BFSP1: variants seen among roughly 807,000 people sequenced by gnomAD.
BFSP1 encodes beaded filament structural protein 1.
In BFSP1, 38 loss-of-function variants were observed where a neutral mutation model predicts 43.9. The ratio of observed to expected loss-of-function variants is 0.87; its 90% CI spans 0.67 to 1.14. BFSP1 has a LOEUF of 1.14. Ranked by LOEUF, BFSP1 falls within the 50% of genes most tolerant of loss-of-function variation. BFSP1 has a pLI of 0.00. For missense variants in BFSP1, 850 were observed against 875.1 expected, an observed-to-expected ratio of 0.97 and a Z score of 0.36; for synonymous variants, 352 against 354.8, an observed-to-expected ratio of 0.99 and a Z score of 0.09.
chr20:17,543,356 T>C (rs984872121), intron 1 of BFSP1, among the ~76,000 whole-genome samples: 1 of 152,204 alleles, frequency 6.6e-6, no homozygotes, highest in Admixed American at 6.5e-5. Context: ...GGAATGAATA[T>C]GCCTCACACA....
Position 17,530,980 on chromosome 20 carries a change from T to C in BFSP1, c.350A>G (p.Gln117Arg). 1 of 1,437,006 alleles carries C rather than the reference T, an allele frequency of 7.0e-7. No homozygotes were observed. The highest frequency in any genetic ancestry group is 1.4e-5 in the South Asian group (1 of 72,376). The allele number at this position is 1,437,006 out of a possible 1,614,324, so 89.0% of individuals were successfully genotyped here. ...GCTTCGGAACTCGTCGAGCGCGCGC[T>C]GCGCCTCGGTGCCCTGGCGCTCCAG... is the stretch of plus-strand genomic sequence containing the variant. ...ARLERQGTEAQRALDEFRSKY... is the reference protein window; with the variant it reads ...ARLERQGTEARRALDEFRSKY... Residue 117 changes from glutamine to arginine, a missense_variant, in exon 1 of 8, where the codon CAG becomes CGG. Transcript: ENST00000377873.
Position 17,494,589 on chromosome 20 carries a change from C to G in BFSP1, c.1483G>C (p.Val495Leu), listed in dbSNP as rs745991848. 1.9e-6 allele frequency: 3 copies of G among 1,614,206 alleles called. No homozygotes were observed. The highest frequency in any genetic ancestry group is 2.2e-5 in the South Asian group (2 of 91,082). The change falls in exon 8 of 8, where the codon GTG becomes CTG. Residue 495 changes from valine (V) to leucine (L), a missense_variant. Val to Leu is a conservative substitution (Grantham distance 32). Coordinates refer to ENST00000377873, the MANE Select transcript of BFSP1 (RefSeq NM_001195.5). ...YVSSITAKGG[V>L]AVSVAEDSVL... ...GAGTCTTCCGCAACAGAAACAGCCA[C>G]CCCACCTTTAGCTGTGATGGAGGAG...
upstream of BFSP1, among the ~76,000 whole-genome samples, chr20:17,535,996 C>T (rs899555639): frequency 2.6e-5 from 4 of 152,084 alleles, no homozygotes; most frequent in African/African-American, 7.2e-5. Flanking sequence ...ACACTGGTCT[C>T]GAACTCCCTG....
chr20:17,494,389 C>G lies in BFSP1; in HGVS notation c.1683G>C (p.Glu561Asp). ...TGGACTCTTCGTCCCGCTCCTCACC[C>G]TCACGTTTCTCTTCAGGGCCTTCCA... is the stretch of plus-strand genomic sequence containing the variant. ...AELEGPEEKREGEERDEESRR... is the reference protein window; with the variant it reads ...AELEGPEEKRDGEERDEESRR... The change falls in exon 8 of 8, where the codon GAG (glutamate) becomes GAC (aspartate). Residue 561 changes from glutamate (E) to aspartate (D), a missense_variant. By Grantham distance (45) the Glu-to-Asp change is conservative (BLOSUM62 2). Coordinates refer to ENST00000377873, the MANE Select transcript of BFSP1 (RefSeq NM_001195.5). 7 of 1,614,252 alleles carry G rather than the reference C, an allele frequency of 4.3e-6. No homozygotes were observed. The highest frequency in any genetic ancestry group is 5.9e-6 in the Non-Finnish European group (7 of 1,180,056).
At chr20:17,549,765 G>A (rs900011146) in intron 1 of BFSP1, among the ~76,000 whole-genome samples, 3 of 152,116 alleles carry the variant, frequency 2.0e-5, no homozygotes, top group African/African-American at 4.8e-5. Flanking sequence ...AAACCCGGGG[G>A]GCAGAAGTTG....
At chr20:17,524,003 A>C (rs775220443) in intron 2 of BFSP1, among the ~76,000 whole-genome samples, 1 of 152,108 alleles carries the variant, frequency 6.6e-6, no homozygotes, top group Non-Finnish European at 1.5e-5. Context: ...CGGTTTTGTC[A>C]GCAATTTTGA....
chr20:17,501,587 G>A (rs1228361498), intron 5 of BFSP1, among the ~76,000 whole-genome samples: 1 of 131,456 alleles, frequency 7.6e-6, no homozygotes, highest in Non-Finnish European at 1.6e-5. Context: ...GTGACAGAGC[G>A]AGACTCTGTC....
intron 6 of BFSP1, among the ~76,000 whole-genome samples, chr20:17,497,566 G>GTA (rs573872557): frequency 4.6e-4 from 54 of 118,214 alleles, no homozygotes; most frequent in East Asian, 1.4e-3. Context: ...ATATGTGTGT[G>GTA]TATATGTATA....
At chr20:17,559,261 A>C (rs2035044503), upstream of BFSP1, among the ~76,000 whole-genome samples, 1 of 152,126 alleles carries the variant, frequency 6.6e-6, no homozygotes, top group African/African-American at 2.4e-5. Context: ...CAACAACAAA[A>C]ACAAGTCCTC....
chr20:17,519,608 G>T (rs2034276956), intron 2 of BFSP1, among the ~76,000 whole-genome samples: 1 of 152,242 alleles, frequency 6.6e-6, no homozygotes, highest in East Asian at 1.9e-4. Context: ...CCTTCGAGGT[G>T]CCTGTCATTC....
chr20:17,531,435 G>A (rs1039980114), upstream of BFSP1: 3 of 1,234,700 alleles, frequency 2.4e-6, no homozygotes, highest in Non-Finnish European at 3.0e-6. Flanking sequence ...CCGGCGCGCT[G>A]CTGGGACGTT....
intron 4 of BFSP1, among the ~76,000 whole-genome samples, chr20:17,511,766 T>C (rs1470505944): frequency 6.6e-6 from 1 of 152,212 alleles, no homozygotes; most frequent in African/African-American, 2.4e-5. Context: ...TGGTCAAGGA[T>C]GCGGTTTACA....
chr20:17,508,783 T>A (rs1568688174), intron 5 of BFSP1, 106 bp downstream of exon 5: 1 of 1,071,808 alleles, frequency 9.3e-7, no homozygotes, highest in Non-Finnish European at 1.3e-6. Context: ...ACATAGGATA[T>A]GTTCAGCGTG....
chr20:17,541,821 C>T (rs562156173), intron 1 of BFSP1, among the ~76,000 whole-genome samples: 1 of 152,322 alleles, frequency 6.6e-6, no homozygotes, highest in South Asian at 2.1e-4. Context: ...ACCAGAGCCA[C>T]AGAGCTGTGA....
chr20:17,528,174 T>C (rs572563739), intron 1 of BFSP1, among the ~76,000 whole-genome samples: 14 of 152,350 alleles, frequency 9.2e-5, no homozygotes, highest in African/African-American at 2.4e-4. Flanking sequence ...AGCATTTCTA[T>C]AATGATTTTC....
chr20:17,553,257 C>T lies in BFSP1; in HGVS notation c.2+5431G>A, dbSNP rs538793370. 1.2e-4 allele frequency among the ~76,000 whole-genome samples: 18 copies of T among 152,162 alleles called. 1 individual carries two copies. In the East Asian group the frequency reaches 1.9e-3, roughly 16 times the overall value. On this transcript the variant is annotated intron_variant, in intron 1 of 7. Transcript: ENST00000377868. ...TTGGCCATTGGATTTAGCAATGTGA[C>T]GTTCCATGGTCATATGAGTAAAAGC...
At chr20:17,499,449 G>A (rs866512745) in intron 5 of BFSP1, among the ~76,000 whole-genome samples, 1 of 126,964 alleles carries the variant, frequency 7.9e-6, no homozygotes, top group Admixed American at 1.0e-4. Context: ...GTCCCACTTC[G>A]TTGCCCAGGC....
At chr20:17,565,260 G>T (rs1350579527) in intron 1 of BFSP1, among the ~76,000 whole-genome samples, 1 of 152,116 alleles carries the variant, frequency 6.6e-6, no homozygotes, top group Non-Finnish European at 1.5e-5. Flanking sequence ...TTATAAATTG[G>T]TATATCCTTT....
At chr20:17,502,096 C>T (rs2033817548) in intron 5 of BFSP1, among the ~76,000 whole-genome samples, 1 of 152,118 alleles carries the variant, frequency 6.6e-6, no homozygotes, top group African/African-American at 2.4e-5. Context: ...GCTGCCTCAG[C>T]TCCCAGTTCC....
Sources: gnomAD v4.1 joint callset for allele counts (sites outside exome capture counted in the v4.1 genomes callset) on GRCh38, gnomAD v4.1.1 for gene constraint, MANE v1.5 for transcripts, NCBI Gene and HGNC (gene_info 2026-07-23, HGNC 2026-07-21) for gene names.